Variants in SLC38A11 observed in about 807,000 individuals in gnomAD.
SLC38A11 encodes the protein putative sodium-coupled neutral amino acid transporter 11.
In SLC38A11, 51 loss-of-function variants were observed where a neutral mutation model predicts 49.4. That is an observed-to-expected ratio of 1.03 (90% CI 0.83 to 1.30). The LOEUF is 1.30. SLC38A11 is among the 50% of genes most tolerant of loss of function. SLC38A11 has a pLI of 0.00. For missense variants in SLC38A11, 574 were observed against 556.2 expected, an observed-to-expected ratio of 1.03 and a Z score of -0.32; for synonymous variants, 203 against 192.9, an observed-to-expected ratio of 1.05 and a Z score of -0.43.
intron 6 of SLC38A11, among the ~76,000 whole-genome samples, chr2:164,938,591 T>C (rs1422031642): frequency 6.6e-6 from 1 of 152,208 alleles, no homozygotes; most frequent in African/African-American, 2.4e-5. Context: ...TGATACACTC[T>C]TGTTTGTTTC....
In SLC38A11 at chr2:164,939,197, A is replaced by G. The variant is rs1255959892; in HGVS notation, c.537+253T>C. 3.9e-5 allele frequency among the ~76,000 whole-genome samples: 6 copies of G among 152,240 alleles called. No individual in the cohort carries two copies. In the East Asian group the frequency reaches 1.2e-3, roughly 29 times the overall value. On this transcript the variant is annotated intron_variant, in intron 6 of 11. Transcript: ENST00000685975. ...AGTTCTTTATATTTTCTAAATTTAA[A>G]ATGTGCTGTCTGACATCAGTGTATC...
In SLC38A11 at chr2:164,921,545, G is replaced by C. The variant is rs1686206057; in HGVS notation, c.618-5572C>G. Among the ~76,000 whole-genome samples, 5 of 150,692 alleles carry C rather than the reference G, an allele frequency of 3.3e-5. No homozygotes were observed. The South Asian group carries it at 1.1e-3, about 32-fold the overall frequency. On this transcript the variant is annotated intron_variant, in intron 7 of 11. Coordinates refer to ENST00000685975, the MANE Select transcript of SLC38A11 (RefSeq NM_001351537.2). ...GGGGTCTTGCTATGTTGTCTAGGCT[G>C]GTCTTGAACCACTGGTCTAAGGGAT...
chr2:164,912,845 T>C (rs1685495451), intron 9 of SLC38A11, among the ~76,000 whole-genome samples: 1 of 151,938 alleles, frequency 6.6e-6, no homozygotes, highest in Non-Finnish European at 1.5e-5. Flanking sequence ...AGATGTCATG[T>C]CATCAAAAAA....
intron 8 of SLC38A11, 24 bp from the exon 9 acceptor site, chr2:164,915,297 T>C: frequency 6.4e-7 from 1 of 1,571,378 alleles, no homozygotes; most frequent in Non-Finnish European, 8.6e-7. Context: ...AAAAAGAGCA[T>C]TATTAAATCA....
chr2:164,920,744 G>A (rs1396253917), intron 7 of SLC38A11, among the ~76,000 whole-genome samples: 3 of 152,100 alleles, frequency 2.0e-5, no homozygotes, highest in Non-Finnish European at 4.4e-5. Context: ...AAAGAAAACG[G>A]AAGATCTGGG....
At chr2:164,933,372 A>G (rs1408355522) in intron 7 of SLC38A11, among the ~76,000 whole-genome samples, 1 of 152,068 alleles carries the variant, frequency 6.6e-6, no homozygotes, top group Non-Finnish European at 1.5e-5. Flanking sequence ...CAGTTTTTAG[A>G]AAGCAAAAGG....
chr2:164,953,172 A>C, intron 2 of SLC38A11: 1 of 189,662 alleles, frequency 5.3e-6, no homozygotes, highest in Admixed American at 5.8e-5. Context: ...GAGGATAATA[A>C]GGAGCACAGA....
At position 164,911,677 on chromosome 2, in the gene SLC38A11, C is replaced by G; in HGVS notation, c.922G>C (p.Val308Leu). Reference sequence around the variant, plus strand: ...CATTCCATAGGGTATGTCAAAATGACAGTGACACCATAACAAAATCTTCCA... The same window carrying G: ...CATTCCATAGGGTATGTCAAAATGAGAGTGACACCATAACAAAATCTTCCA... ...TFGRFCYGVT[V>L]ILTYPMECFV... Residue 308 changes from valine (V) to leucine (L), a missense_variant, in exon 10 of 12, where the codon GTC becomes CTC. Transcript: ENST00000685975. 5 of 1,606,966 alleles carry G rather than the reference C, an allele frequency of 3.1e-6. No homozygotes were observed. The highest frequency in any genetic ancestry group is 4.2e-6 in the Non-Finnish European group (5 of 1,176,504).
At chr2:164,949,736 A>G (rs755511176) in intron 3 of SLC38A11, among the ~76,000 whole-genome samples, 1 of 152,220 alleles carries the variant, frequency 6.6e-6, no homozygotes, top group Non-Finnish European at 1.5e-5. Flanking sequence ...AGGACTATCA[A>G]TGGGAAGATG....
At chr2:164,915,012 T>G (rs1685671704) in intron 9 of SLC38A11, 100 bp downstream of exon 9, 1 of 1,102,476 alleles carries the variant, frequency 9.1e-7, no homozygotes, top group Non-Finnish European at 1.3e-6. Context: ...GAGTAATCTT[T>G]GAAATAGAAC....
Position 164,902,163 on chromosome 2 carries a change from A to G in SLC38A11, c.1096-3433T>C, listed in dbSNP as rs141721997. ...CCCACCTCAGCATCCTGAGTTGTTGAGACTACAGGCACATGCTACCATGTC... is the reference window on the plus strand; with the variant it reads ...CCCACCTCAGCATCCTGAGTTGTTGGGACTACAGGCACATGCTACCATGTC... On this transcript the variant is annotated intron_variant, in intron 11 of 11. Transcript: ENST00000685975. Among the ~76,000 whole-genome samples, 710 of 150,998 alleles carry G rather than the reference A, an allele frequency of 4.7e-3. 2 individuals carry two copies. Among genetic ancestry groups the G allele is most frequent in the African/African-American group, 0.016 (676 of 41,186 alleles).
intron 11 of SLC38A11, among the ~76,000 whole-genome samples, chr2:164,904,778 C>T (rs1210574839): frequency 6.6e-6 from 1 of 152,118 alleles, no homozygotes; most frequent in Non-Finnish European, 1.5e-5. Flanking sequence ...TCATAGATTA[C>T]TCTTAACCTT....
At position 164,944,641 on chromosome 2, in the gene SLC38A11, AC is replaced by A; in HGVS notation, c.365-8del. 1 of 1,191,336 alleles carries A rather than the reference AC, an allele frequency of 8.4e-7. No individual in the cohort carries two copies. The highest frequency in any genetic ancestry group is 2.6e-5 in the South Asian group (1 of 37,910). The allele number at this position is 1,191,336 out of a possible 1,614,324, so 73.8% of individuals were successfully genotyped here. ...ATATTGTAACTTATCATTGCTAAAA[AC>A]ATAATTAAAATAAGAGTCATCAATA... On this transcript the variant is annotated splice_region_variant and splice_polypyrimidine_tract_variant and intron_variant, in intron 4 of 11. Transcript: ENST00000685975.
intron 9 of SLC38A11, among the ~76,000 whole-genome samples, chr2:164,913,500 G>A (rs1685548321): frequency 6.6e-6 from 1 of 151,992 alleles, no homozygotes; most frequent in South Asian, 2.1e-4. Context: ...AGGTGGCCTG[G>A]AGAAACAATG....
intron 7 of SLC38A11, among the ~76,000 whole-genome samples, chr2:164,927,538 T>C (rs946107231): frequency 1.1e-4 from 17 of 152,074 alleles, no homozygotes; most frequent in East Asian, 7.7e-4. Flanking sequence ...AATGGCAAAG[T>C]ATCCCTCTTC....
At chr2:164,910,008 G>A (rs1465108925) in intron 10 of SLC38A11, among the ~76,000 whole-genome samples, 2 of 152,090 alleles carry the variant, frequency 1.3e-5, no homozygotes, top group Non-Finnish European at 2.9e-5. Context: ...AGTGAGGCAG[G>A]TAGTAAGAGA....
intron 6 of SLC38A11, among the ~76,000 whole-genome samples, chr2:164,939,247 A>C (rs1213800515): frequency 6.6e-6 from 1 of 152,098 alleles, no homozygotes; most frequent in East Asian, 1.9e-4. Context: ...AAAAGGAAGA[A>C]TATATTTAGT....
At chr2:164,905,319 A>T (rs895452663) in intron 11 of SLC38A11, among the ~76,000 whole-genome samples, 6 of 151,982 alleles carry the variant, frequency 3.9e-5, no homozygotes, top group African/African-American at 1.4e-4. Context: ...TTTAGTAGAG[A>T]CAGGATTTCA....
chr2:164,908,250 TG>T, intron 11 of SLC38A11, among the ~76,000 whole-genome samples: 1 of 152,204 alleles, frequency 6.6e-6, no homozygotes, highest in Non-Finnish European at 1.5e-5. Context: ...GTAACATTTA[TG>T]TGTTATAGTA....
Sources: gnomAD v4.1 joint callset for allele counts (sites outside exome capture counted in the v4.1 genomes callset) on GRCh38, gnomAD v4.1.1 for gene constraint, MANE v1.5 for transcripts, NCBI Gene and HGNC (gene_info 2026-07-23, HGNC 2026-07-21) for gene names.